Variants in RBPJ observed in about 807,000 individuals in gnomAD.
The protein encoded by RBPJ is recombination signal binding protein for immunoglobulin kappa J region, also known as recombining binding protein suppressor of hairless.
A neutral mutation model predicts 67.8 loss-of-function variants in RBPJ; 9 were observed. The ratio of observed to expected loss-of-function variants is 0.13; its 90% CI spans 0.08 to 0.23. The LOEUF (loss-of-function observed/expected upper bound fraction) is 0.23. RBPJ is among the 10% of genes least tolerant of loss of function. RBPJ has a pLI of 1.00. For synonymous variants in RBPJ, 198 were observed against 203.3 expected (o/e 0.97, Z 0.22); for missense variants, 305 against 595.6 (o/e 0.51, Z 5.08).
At chr4:26,313,780 G>C (rs1722515825) in intron 1 of RBPJ, among the ~76,000 whole-genome samples, 1 of 152,068 alleles carries the variant, frequency 6.6e-6, no homozygotes. Flanking sequence ...AGGTTGTGGT[G>C]AGACAAGATT....
chr4:26,263,806 G>A (rs1720619593), intron 1 of RBPJ, among the ~76,000 whole-genome samples: 1 of 151,626 alleles, frequency 6.6e-6, no homozygotes, highest in Admixed American at 6.6e-5. Flanking sequence ...TCCTGACCTC[G>A]TGATCTGCCC....
intron 1 of RBPJ, among the ~76,000 whole-genome samples, chr4:26,170,700 T>A (rs191693555): frequency 7.9e-5 from 12 of 152,340 alleles, no homozygotes; most frequent in Admixed American, 4.6e-4. Context: ...TTTCATGAAA[T>A]GATAATTTAT....
At chr4:26,215,356 A>AGG (rs1718673891) in intron 1 of RBPJ, among the ~76,000 whole-genome samples, 2 of 96,290 alleles carry the variant, frequency 2.1e-5, no homozygotes, top group Non-Finnish European at 4.0e-5. Context: ...AGAAAAAAAG[A>AGG]AGGAAGGAAG....
intron 1 of RBPJ, among the ~76,000 whole-genome samples, chr4:26,295,265 T>G (rs1330991325): frequency 2.0e-5 from 3 of 151,886 alleles, no homozygotes; most frequent in Non-Finnish European, 2.9e-5. Flanking sequence ...TGTGTGTGTG[T>G]GTGTGGGTGT....
At chr4:26,116,532 T>C in the RBPJ span, among the ~76,000 whole-genome samples, 2 of 152,220 alleles carry the variant, frequency 1.3e-5, no homozygotes, top group Admixed American at 6.5e-5. Flanking sequence ...CCTGGAGATA[T>C]GTGGCATGGA....
chr4:26,155,907 G>A, the RBPJ span, among the ~76,000 whole-genome samples: 65 of 152,262 alleles, frequency 4.3e-4, no homozygotes, highest in East Asian at 0.012. Context: ...TGAGAAGAAA[G>A]CATGGTAGGT....
intron 1 of RBPJ, among the ~76,000 whole-genome samples, chr4:26,365,894 T>C (rs143900697): frequency 6.6e-5 from 10 of 152,346 alleles, no homozygotes; most frequent in African/African-American, 2.4e-4. Flanking sequence ...CAAGGCTGTT[T>C]TATTAAGTAG....
intron 1 of RBPJ, among the ~76,000 whole-genome samples, chr4:26,374,838 G>A (rs759626059): frequency 4.6e-5 from 7 of 152,222 alleles, no homozygotes; most frequent in African/African-American, 9.6e-5. Flanking sequence ...TGCAGAGTAC[G>A]TGGAAAATCA....
intron 1 of RBPJ, among the ~76,000 whole-genome samples, chr4:26,179,043 G>A (rs974616692): frequency 6.6e-6 from 1 of 152,048 alleles, no homozygotes; most frequent in Non-Finnish European, 1.5e-5. Flanking sequence ...GCTAATTGAC[G>A]TCACAACACT....
At chr4:26,323,284 GACTGGGAGCAAAGTGTAAAT>G (rs1348969954) in intron 1 of RBPJ, among the ~76,000 whole-genome samples, 1 of 152,020 alleles carries the variant, frequency 6.6e-6, no homozygotes, top group Non-Finnish European at 1.5e-5. Context: ...CTGGTTCTCT[GACTGGGAGCAAAGTGTAAAT>G]ACTGTGTAGT....
intron 1 of RBPJ, among the ~76,000 whole-genome samples, chr4:26,358,015 G>T (rs1230708648): frequency 1.6e-5 from 2 of 126,950 alleles, no homozygotes; most frequent in African/African-American, 6.2e-5. Flanking sequence ...TTTTGAGGGG[G>T]TATTCGTGTG....
intron 4 of RBPJ, among the ~76,000 whole-genome samples, chr4:26,417,025 T>G (rs1469198154): frequency 6.6e-6 from 1 of 152,200 alleles, no homozygotes; most frequent in Non-Finnish European, 1.5e-5. Flanking sequence ...ACGAATATAT[T>G]TAAGTGGTGG....
intron 1 of RBPJ, among the ~76,000 whole-genome samples, chr4:26,203,291 G>T (rs1718053260): frequency 6.6e-6 from 1 of 152,104 alleles, no homozygotes; most frequent in African/African-American, 2.4e-5. Flanking sequence ...TATCTACATG[G>T]CATGGCTCTC....
intron 1 of RBPJ, among the ~76,000 whole-genome samples, chr4:26,376,140 C>T (rs1459337950): frequency 6.6e-6 from 1 of 152,082 alleles, no homozygotes; most frequent in African/African-American, 2.4e-5. Context: ...GTAAAATTAA[C>T]CATTTTAACC....
the RBPJ span, among the ~76,000 whole-genome samples, chr4:26,140,847 A>AAATAAATAAAT: frequency 2.0e-5 from 3 of 150,592 alleles, no homozygotes; most frequent in Non-Finnish European, 3.0e-5. Context: ...ATAAATAAAT[A>AAATAAATAAAT]AATAAATAAA....
chr4:26,318,798 A>T (rs556359569), upstream of RBPJ, among the ~76,000 whole-genome samples: 31 of 151,978 alleles, frequency 2.0e-4, no homozygotes, highest in African/African-American at 7.2e-4. Context: ...GGAGATCGAG[A>T]CCATCCTGAC....
At chr4:26,366,213 C>A (rs568066888) in intron 1 of RBPJ, among the ~76,000 whole-genome samples, 1 of 152,134 alleles carries the variant, frequency 6.6e-6, no homozygotes, top group Non-Finnish European at 1.5e-5. Flanking sequence ...TTCATATTGC[C>A]AAGCTGACCT....
chr4:26,125,869 T>A, the RBPJ span, among the ~76,000 whole-genome samples: 1 of 152,066 alleles, frequency 6.6e-6, no homozygotes, highest in African/African-American at 2.4e-5. Flanking sequence ...ATAGGATGCC[T>A]GAGGATTCCA....
At chr4:26,337,444 GT>G (rs1458348275) in intron 1 of RBPJ, among the ~76,000 whole-genome samples, 1 of 151,698 alleles carries the variant, frequency 6.6e-6, no homozygotes, top group East Asian at 1.9e-4. Context: ...TGCTTGGGTG[GT>G]TAAACAGTAT....
Sources: allele counts gnomAD v4.1 joint callset (sites outside exome capture counted in the v4.1 genomes callset), GRCh38; gene constraint gnomAD v4.1.1; transcripts MANE v1.5; gene names NCBI Gene and HGNC (gene_info 2026-07-23, HGNC 2026-07-21).